Variants in IL1RAPL2 observed in about 807,000 individuals in gnomAD.
IL1RAPL2 encodes interleukin 1 receptor accessory protein like 2, also known as X-linked interleukin-1 receptor accessory protein-like 2.
A neutral mutation model predicts 44.1 loss-of-function variants in IL1RAPL2; 3 were observed. That is an observed-to-expected ratio of 0.07 (90% CI 0.03 to 0.18). The LOEUF (loss-of-function observed/expected upper bound fraction) is 0.18. IL1RAPL2 is among the 10% of genes least tolerant of loss of function. The pLI is 1.00. For missense variants in IL1RAPL2, 391 were observed against 496.4 expected (o/e 0.79, Z 2.02); for synonymous variants, 181 against 178.8 (o/e 1.01, Z -0.10).
intron 2 of IL1RAPL2, among the ~76,000 whole-genome samples, chrX:104,916,515 C>T (rs1198871289): frequency 1.8e-5 from 2 of 111,519 alleles, no homozygotes; most frequent in East Asian, 2.8e-4. Flanking sequence ...CATCTGCAAA[C>T]AGGGACAATT....
chrX:104,735,913 T>C, intron 2 of IL1RAPL2, among the ~76,000 whole-genome samples: 1 of 111,650 alleles, frequency 9.0e-6, no homozygotes, highest in Non-Finnish European at 1.9e-5. Flanking sequence ...TCAAACCTTC[T>C]TAGCCTGGCA....
chrX:104,624,256 C>G (rs1322399798), intron 1 of IL1RAPL2, among the ~76,000 whole-genome samples: 1 of 111,115 alleles, frequency 9.0e-6, no homozygotes, highest in Non-Finnish European at 1.9e-5. Context: ...ATATTTTCGA[C>G]TTTCAGAACA....
chrX:104,585,902 C>T (rs1055653024), intron 1 of IL1RAPL2, among the ~76,000 whole-genome samples: 1 of 111,007 alleles, frequency 9.0e-6, no homozygotes, highest in African/African-American at 3.3e-5. Context: ...GTGCAATGAA[C>T]ATGCGTATGA....
chrX:105,551,057 G>A (rs2036849704), intron 6 of IL1RAPL2, among the ~76,000 whole-genome samples: 1 of 110,838 alleles, frequency 9.0e-6, no homozygotes, highest in African/African-American at 3.3e-5. Flanking sequence ...GTGGCATGCT[G>A]TCCAGGTTTT....
chrX:104,948,704 A>G (rs1602844852), intron 2 of IL1RAPL2, among the ~76,000 whole-genome samples: 1 of 110,951 alleles, frequency 9.0e-6, no homozygotes, highest in African/African-American at 3.3e-5. Flanking sequence ...GGTTCTGTTT[A>G]TATGCTGGAT....
chrX:104,905,097 T>C (rs1923946568), intron 2 of IL1RAPL2, among the ~76,000 whole-genome samples: 1 of 111,733 alleles, frequency 8.9e-6, no homozygotes, highest in African/African-American at 3.3e-5. Flanking sequence ...TGCATAAATG[T>C]CTTCTTTTGA....
intron 5 of IL1RAPL2, among the ~76,000 whole-genome samples, chrX:105,448,210 G>A (rs970074735): frequency 3.7e-5 from 4 of 108,426 alleles, no homozygotes; most frequent in African/African-American, 1.3e-4. Context: ...AAATTCCTGA[G>A]GTAGACATCT....
At chrX:105,545,584 T>C (rs999522575) in intron 6 of IL1RAPL2, among the ~76,000 whole-genome samples, 1 of 112,263 alleles carries the variant, frequency 8.9e-6, no homozygotes, top group African/African-American at 3.2e-5. Flanking sequence ...TGTCTTCTTC[T>C]GTTGGCTAAT....
At chrX:104,739,194 T>G (rs1932063226) in intron 2 of IL1RAPL2, among the ~76,000 whole-genome samples, 1 of 112,244 alleles carries the variant, frequency 8.9e-6, no homozygotes, top group Non-Finnish European at 1.9e-5. Flanking sequence ...GTAGCAGTAG[T>G]TGGCATATCA....
At chrX:104,904,392 G>A (rs1406090132) in intron 2 of IL1RAPL2, among the ~76,000 whole-genome samples, 1 of 105,760 alleles carries the variant, frequency 9.5e-6, no homozygotes, top group Non-Finnish European at 1.9e-5. Flanking sequence ...ATGCTGGTGC[G>A]CTGCACCCAC....
At chrX:104,879,208 G>T (rs1258626424) in intron 2 of IL1RAPL2, among the ~76,000 whole-genome samples, 2 of 109,947 alleles carry the variant, frequency 1.8e-5, no homozygotes, top group African/African-American at 6.6e-5. Flanking sequence ...TTGAAATTTA[G>T]AATGGGGCAT....
intron 5 of IL1RAPL2, among the ~76,000 whole-genome samples, chrX:105,320,466 C>T (rs768856350): frequency 9.0e-5 from 10 of 111,615 alleles, no homozygotes; most frequent in Non-Finnish European, 1.9e-4. Flanking sequence ...TGGTAACACT[C>T]ACAGAAAAGT....
intron 1 of IL1RAPL2, among the ~76,000 whole-genome samples, chrX:104,644,515 T>C (rs900789015): frequency 1.8e-5 from 2 of 111,715 alleles, no homozygotes; most frequent in East Asian, 5.6e-4. Flanking sequence ...CCCGTGTATG[T>C]CAAATTCTTC....
Position 105,195,628 on chromosome X carries a change from A to C in IL1RAPL2, c.236A>C (p.Asn79Thr). ...STGLRLMWYK[N>T]KGDLEEPIIF... ...GGGCTCAGGCTTATGTGGTACAAAA[A>C]CAAAGGTGATTTGGAAGAGCCCATC... The change falls in exon 3 of 11, where the codon AAC becomes ACC. Residue 79 changes from asparagine (N) to threonine (T), a missense_variant. Transcript: ENST00000372582. The C allele has an allele frequency of 8.3e-7, 1 of 1,212,068 alleles. No homozygotes were observed. Among genetic ancestry groups the C allele is most frequent in the Admixed American group, 2.2e-5 (1 of 46,107 alleles).
chrX:105,698,996 C>A (rs1402851511), intron 6 of IL1RAPL2, among the ~76,000 whole-genome samples: 7 of 111,278 alleles, frequency 6.3e-5, no homozygotes, highest in Non-Finnish European at 5.7e-5. Context: ...ATATGCAATA[C>A]AAGTATAAGT....
At chrX:105,104,259 T>C (rs1385132132) in intron 2 of IL1RAPL2, among the ~76,000 whole-genome samples, 1 of 111,309 alleles carries the variant, frequency 9.0e-6, no homozygotes, top group Non-Finnish European at 1.9e-5. Context: ...AATTTCCCAC[T>C]GATTATTGTG....
intron 2 of IL1RAPL2, among the ~76,000 whole-genome samples, chrX:104,887,570 G>A (rs1923285906): frequency 9.0e-6 from 1 of 111,355 alleles, no homozygotes; most frequent in South Asian, 3.8e-4. Context: ...AGGTGCCAAA[G>A]AAAGTTTATG....
intron 2 of IL1RAPL2, among the ~76,000 whole-genome samples, chrX:105,031,534 G>A (rs1230958775): frequency 4.5e-5 from 5 of 111,893 alleles, no homozygotes; most frequent in African/African-American, 1.6e-4. Context: ...ATCTTTATAT[G>A]CTGGATTACA....
intron 2 of IL1RAPL2, among the ~76,000 whole-genome samples, chrX:104,907,465 C>T (rs1488790812): frequency 1.8e-5 from 2 of 110,684 alleles, no homozygotes; most frequent in Admixed American, 9.6e-5. Context: ...CCTCTACACA[C>T]TGCCTTGAAT....
Sources: gnomAD v4.1 joint callset for allele counts (sites outside exome capture counted in the v4.1 genomes callset) on GRCh38, gnomAD v4.1.1 for gene constraint, MANE v1.5 for transcripts, NCBI Gene and HGNC (gene_info 2026-07-23, HGNC 2026-07-21) for gene names.